The following PRR5L variants were observed in gnomAD, a reference collection of about 807,000 sequenced individuals.
PRR5L encodes proline rich 5 like.
In PRR5L, 21 loss-of-function variants were observed where a neutral mutation model predicts 36.4. That is an observed-to-expected ratio of 0.58 (90% CI 0.41 to 0.83). PRR5L has a LOEUF of 0.83. Among genes scored for constraint, PRR5L ranks in the 40% least tolerant of loss-of-function variants. The pLI, the probability that PRR5L is intolerant of heterozygous loss-of-function variation, is 0.00. For synonymous variants in PRR5L, 188 were observed against 197.0 expected (o/e 0.95, Z 0.38); for missense variants, 381 against 473.3 (o/e 0.80, Z 1.81).
chr11:36,421,591 T>C (rs1858266865), intron 4 of PRR5L, among the ~76,000 whole-genome samples: 5 of 152,236 alleles, frequency 3.3e-5, no homozygotes, highest in Admixed American at 3.3e-4. Flanking sequence ...AGCTTTTTTT[T>C]CTTTCTTTTT....
chr11:36,374,104 T>C (rs6484837), intron 1 of PRR5L, among the ~76,000 whole-genome samples: 3 of 101,318 alleles, frequency 3.0e-5, no homozygotes, highest in Admixed American at 1.7e-4. Context: ...CTTCCTTCCT[T>C]CCTCTCTCTC....
chr11:36,438,858 C>T (rs952979435), intron 6 of PRR5L, among the ~76,000 whole-genome samples: 1 of 151,990 alleles, frequency 6.6e-6, no homozygotes, highest in African/African-American at 2.4e-5. Flanking sequence ...TCACTTGAGC[C>T]CAGACGATTG....
intron 2 of PRR5L, among the ~76,000 whole-genome samples, chr11:36,402,758 C>T (rs1857824150): frequency 1.3e-5 from 2 of 152,214 alleles, no homozygotes; most frequent in Admixed American, 1.3e-4. Context: ...TATGGCCTCT[C>T]AAGGGACTAA....
At chr11:36,367,269 A>G (rs777469252) in intron 1 of PRR5L, among the ~76,000 whole-genome samples, 12 of 152,232 alleles carry the variant, frequency 7.9e-5, no homozygotes, top group Non-Finnish European at 1.5e-4. Context: ...GCCATAAAAG[A>G]ATTGAGATTA....
chr11:36,311,174 A>G (rs898694613), intron 1 of PRR5L, among the ~76,000 whole-genome samples: 2 of 152,124 alleles, frequency 1.3e-5, no homozygotes, highest in African/African-American at 2.4e-5. Flanking sequence ...AGGGTGTTCA[A>G]AGTTTCTTAA....
chr11:36,425,159 G>A lies in PRR5L; in HGVS notation c.294+5856G>A, dbSNP rs370086567. 2.2e-4 allele frequency among the ~76,000 whole-genome samples: 34 copies of A among 152,326 alleles called. No individual in the cohort carries two copies. In the South Asian group the frequency reaches 7.0e-3, roughly 32 times the overall value. On this transcript the variant is annotated intron_variant, in intron 4 of 8. Transcript: ENST00000530639. Reference sequence around the variant, plus strand: ...TTGATGAGTCCTGCATGATTGTGAGGCACGCTCAAGTCTGGCAATGCTTTC... The same window carrying A: ...TTGATGAGTCCTGCATGATTGTGAGACACGCTCAAGTCTGGCAATGCTTTC...
intron 1 of PRR5L, among the ~76,000 whole-genome samples, chr11:36,307,685 G>C (rs945251357): frequency 2.0e-5 from 3 of 152,146 alleles, no homozygotes; most frequent in African/African-American, 7.2e-5. Flanking sequence ...GAAAGAATAC[G>C]CACAAATGTT....
chr11:36,397,139 C>A (rs142185235), intron 1 of PRR5L, among the ~76,000 whole-genome samples: 3,713 of 148,468 alleles, frequency 0.025, 73 homozygotes, highest in South Asian at 0.036. Context: ...ACGATCTTGG[C>A]TCACTGCAAC....
intron 1 of PRR5L, among the ~76,000 whole-genome samples, chr11:36,356,953 G>T (rs2133498359): frequency 6.6e-6 from 1 of 152,330 alleles, no homozygotes; most frequent in East Asian, 1.9e-4. Flanking sequence ...AGTGAGGAAG[G>T]CATGTTGAAA....
rs1284163916 is a variant in PRR5L at position 36,407,349 on chromosome 11, C to T, written c.245+3971C>T. Among the ~76,000 whole-genome samples the T allele has an allele frequency of 3.3e-5, 5 of 152,118 alleles. No homozygotes were observed. In the East Asian group the frequency reaches 5.8e-4, roughly 18 times the overall value. On this transcript the variant is annotated intron_variant, in intron 3 of 8. Transcript: ENST00000530639. ...AATACAAATAAAATGAAAAGCTGGGCGTGATGATGCATACTGCACTCCAGC... is the reference window on the plus strand; with the variant it reads ...AATACAAATAAAATGAAAAGCTGGGTGTGATGATGCATACTGCACTCCAGC...
At chr11:36,386,974 T>C (rs1857468528) in intron 1 of PRR5L, among the ~76,000 whole-genome samples, 1 of 152,176 alleles carries the variant, frequency 6.6e-6, no homozygotes, top group Non-Finnish European at 1.5e-5. Context: ...GAAAATCTGC[T>C]TGTGACCTGG....
At chr11:36,442,912 C>G (rs548946675) in intron 6 of PRR5L, among the ~76,000 whole-genome samples, 1 of 152,096 alleles carries the variant, frequency 6.6e-6, no homozygotes, top group Non-Finnish European at 1.5e-5. Flanking sequence ...ATCTTTTGAG[C>G]CCTGAGCCCT....
Position 36,445,973 on chromosome 11 carries a change from G to A in PRR5L, c.445-327G>A, listed in dbSNP as rs1469596368. On this transcript the variant is annotated intron_variant, in intron 6 of 8. Coordinates refer to ENST00000530639, the MANE Select transcript of PRR5L (RefSeq NM_001160167.2). ...AAACGGCCTTGAATGTAGGGAGGTAGTATTGATCTTCTCTTTGTTTCTCCC... is the reference window on the plus strand; with the variant it reads ...AAACGGCCTTGAATGTAGGGAGGTAATATTGATCTTCTCTTTGTTTCTCCC... Among the ~76,000 whole-genome samples the A allele has an allele frequency of 2.0e-5, 3 of 152,210 alleles. No individual in the cohort carries two copies. In the East Asian group the frequency reaches 5.8e-4, roughly 29 times the overall value.
chr11:36,439,534 C>T (rs1001980986), intron 6 of PRR5L, among the ~76,000 whole-genome samples: 3 of 152,206 alleles, frequency 2.0e-5, no homozygotes, highest in African/African-American at 7.2e-5. Context: ...ACCTTGCTGG[C>T]TTCCCTTTTC....
At chr11:36,432,053 C>A in intron 5 of PRR5L, 143 bp downstream of exon 5, 1 of 627,634 alleles carries the variant, frequency 1.6e-6, no homozygotes, top group Non-Finnish European at 2.8e-6. Context: ...TAGGCAGCAG[C>A]ACTTTGATTT....
At chr11:36,428,786 G>A (rs1016892146) in intron 4 of PRR5L, among the ~76,000 whole-genome samples, 1 of 152,246 alleles carries the variant, frequency 6.6e-6, no homozygotes, top group Admixed American at 6.5e-5. Context: ...CCTTTGAAAG[G>A]TACTTTAGCC....
chr11:36,317,445 T>C (rs971188419), intron 1 of PRR5L, among the ~76,000 whole-genome samples: 2 of 152,224 alleles, frequency 1.3e-5, no homozygotes, highest in African/African-American at 4.8e-5. Context: ...GTAGAGATAG[T>C]GTGTCTGTAT....
Position 36,462,710 on chromosome 11 carries a change from G to T in PRR5L, c.1081G>T (p.Glu361Ter). Residue 361 changes from glutamate to a stop codon, truncating the protein, a stop_gained, in exon 9 of 9, where the codon GAG (glutamate) becomes TAG (stop). Transcript: ENST00000530639. LOFTEE classifies it high-confidence loss of function. ...EGARGSQEGSELNCASLS is the reference protein window; with the variant it reads ...EGARGSQEGS ...GGCCAGGGGCAGCCAGGAGGGCTCG[G>T]AGCTGAACTGTGCTTCCCTCAGCTG... 1 of 1,581,428 alleles carries T rather than the reference G, an allele frequency of 6.3e-7. No individual in the cohort carries two copies. Among genetic ancestry groups the T allele is most frequent in the Non-Finnish European group, 8.6e-7 (1 of 1,164,228 alleles).
At chr11:36,398,154 A>C (rs11033586) in intron 1 of PRR5L, among the ~76,000 whole-genome samples, 7,209 of 152,276 alleles carry the variant, frequency 0.047, 199 homozygotes, top group East Asian at 0.083. Context: ...AGAATGGCCT[A>C]GGTGGGAGCT....
Sources: gnomAD v4.1 joint callset for allele counts (sites outside exome capture counted in the v4.1 genomes callset) on GRCh38, gnomAD v4.1.1 for gene constraint, MANE v1.5 for transcripts, NCBI Gene and HGNC (gene_info 2026-07-23, HGNC 2026-07-21) for gene names.